Variants in SPAG16 observed in about 807,000 individuals in gnomAD.
SPAG16 encodes the protein sperm associated antigen 16, also known as sperm-associated antigen 16 protein.
SPAG16 carries 86 observed loss-of-function variants against 80.4 expected under a neutral mutation model. The observed-to-expected ratio is 1.07, with a 90% CI of 0.90 to 1.28. The LOEUF (loss-of-function observed/expected upper bound fraction) is 1.28, where lower values mean the gene tolerates loss of function less well. Ranked by LOEUF, SPAG16 falls within the 50% of genes most tolerant of loss-of-function variation. The probability of loss-of-function intolerance (pLI) is 0.00; values close to 1 mark genes in which losing one functional copy is unlikely to be tolerated. For missense variants in SPAG16, 870 were observed against 765.3 expected (o/e 1.14, Z -1.61); for synonymous variants, 294 against 265.9 (o/e 1.11, Z -1.03).
At chr2:214,164,288 T>A (rs990164103) in intron 15 of SPAG16, among the ~76,000 whole-genome samples, 3 of 152,112 alleles carry the variant, frequency 2.0e-5, no homozygotes, top group African/African-American at 7.2e-5. Flanking sequence ...ATAAGTCTTA[T>A]GAAAAATTAA....
chr2:213,772,989 C>CT (rs1036924821), intron 10 of SPAG16, among the ~76,000 whole-genome samples: 159 of 149,310 alleles, frequency 1.1e-3, no homozygotes, highest in African/African-American at 2.3e-3. Context: ...TTTACTTATT[C>CT]TTTTTTTTTC....
chr2:213,478,115 C>T (rs958404056), intron 9 of SPAG16, among the ~76,000 whole-genome samples: 1 of 152,166 alleles, frequency 6.6e-6, no homozygotes, highest in Non-Finnish European at 1.5e-5. Flanking sequence ...CCTTTTCTGT[C>T]TGCCATGATA....
chr2:213,372,327 C>A (rs116462958), intron 8 of SPAG16, among the ~76,000 whole-genome samples: 91 of 152,076 alleles, frequency 6.0e-4, no homozygotes, highest in African/African-American at 2.1e-3. Flanking sequence ...GGATGACCTT[C>A]TAGAAATTGT....
At chr2:213,864,206 T>C (rs923462331) in intron 11 of SPAG16, among the ~76,000 whole-genome samples, 9 of 152,016 alleles carry the variant, frequency 5.9e-5, no homozygotes, top group Non-Finnish European at 1.5e-5. Flanking sequence ...AAATAGCAAA[T>C]GAATATGAAA....
intron 9 of SPAG16, among the ~76,000 whole-genome samples, chr2:213,427,344 G>A (rs188903715): frequency 7.9e-5 from 12 of 152,230 alleles, no homozygotes; most frequent in African/African-American, 2.2e-4. Context: ...CTGGACAGAC[G>A]CACAGTGATA....
intron 1 of SPAG16, among the ~76,000 whole-genome samples, chr2:213,292,680 A>ACAC: frequency 7.6e-6 from 1 of 131,148 alleles, no homozygotes; most frequent in Non-Finnish European, 1.7e-5. Flanking sequence ...AAAAAACAAA[A>ACAC]AAAACAAAAA....
intron 9 of SPAG16, among the ~76,000 whole-genome samples, chr2:213,446,865 A>G (rs573843494): frequency 2.0e-5 from 3 of 152,322 alleles, no homozygotes; most frequent in East Asian, 3.9e-4. Flanking sequence ...GTATCCATCT[A>G]GAAACTCAAG....
At chr2:213,820,704 CAG>C (rs2072886719) in intron 10 of SPAG16, among the ~76,000 whole-genome samples, 1 of 151,944 alleles carries the variant, frequency 6.6e-6, no homozygotes, top group Admixed American at 6.6e-5. Context: ...TCTATCCCAT[CAG>C]AGATATATAG....
chr2:213,690,282 C>G (rs944049444), intron 10 of SPAG16, among the ~76,000 whole-genome samples: 2 of 152,188 alleles, frequency 1.3e-5, no homozygotes, highest in African/African-American at 4.8e-5. Flanking sequence ...ATATTTATTT[C>G]TAACAGTCTG....
chr2:214,376,947 C>T (rs558518108), intron 15 of SPAG16, among the ~76,000 whole-genome samples: 1 of 152,148 alleles, frequency 6.6e-6, no homozygotes, highest in Non-Finnish European at 1.5e-5. Context: ...GCAAAACATA[C>T]ACATGCAGGC....
At chr2:213,534,218 T>C (rs937951709) in intron 10 of SPAG16, among the ~76,000 whole-genome samples, 1 of 152,132 alleles carries the variant, frequency 6.6e-6, no homozygotes, top group African/African-American at 2.4e-5. Flanking sequence ...ATCTTATATG[T>C]TGCAAATGAT....
Position 213,874,609 on chromosome 2 carries a change from A to T in SPAG16, c.1214+11981A>T, listed in dbSNP as rs182207893. ...TTTACAATAACATCACCACAAACAC[A>T]TGAGTAATGTGTAGCCATATGGCAT... On this transcript the variant is annotated intron_variant, in intron 11 of 15. Transcript: ENST00000331683. Among the ~76,000 whole-genome samples, 380 of 152,254 alleles carry T rather than the reference A, an allele frequency of 2.5e-3. 4 individuals carry two copies. Among genetic ancestry groups the T allele is most frequent in the African/African-American group, 8.9e-3 (368 of 41,564 alleles).
chr2:214,044,949 A>G (rs1470706816), intron 13 of SPAG16, among the ~76,000 whole-genome samples: 1 of 152,164 alleles, frequency 6.6e-6, no homozygotes, highest in Non-Finnish European at 1.5e-5. Flanking sequence ...AATAAACTTG[A>G]AAGGTAGGCT....
chr2:214,079,933 G>A (rs1384771895), intron 13 of SPAG16, among the ~76,000 whole-genome samples: 1 of 152,140 alleles, frequency 6.6e-6, no homozygotes, highest in South Asian at 2.1e-4. Flanking sequence ...GTAGATGAAG[G>A]AATGTGGACT....
At chr2:214,054,309 C>T (rs1007543315) in intron 13 of SPAG16, among the ~76,000 whole-genome samples, 1 of 152,098 alleles carries the variant, frequency 6.6e-6, no homozygotes, top group Non-Finnish European at 1.5e-5. Context: ...TGTGCCCAGC[C>T]CTCACTTCCC....
chr2:213,677,698 A>G (rs1267629240), intron 10 of SPAG16, among the ~76,000 whole-genome samples: 1 of 152,210 alleles, frequency 6.6e-6, no homozygotes, highest in African/African-American at 2.4e-5. Flanking sequence ...TGTCAACGTT[A>G]GACAGATCAA....
chr2:214,023,434 GT>G (rs1210521611), intron 13 of SPAG16, among the ~76,000 whole-genome samples: 1 of 151,132 alleles, frequency 6.6e-6, no homozygotes, highest in African/African-American at 2.4e-5. Context: ...AATACTTTAT[GT>G]GTTTTCTAAA....
intron 9 of SPAG16, among the ~76,000 whole-genome samples, chr2:213,477,472 C>T (rs1467556066): frequency 6.6e-6 from 1 of 152,176 alleles, no homozygotes; most frequent in Non-Finnish European, 1.5e-5. Context: ...AATGGAGCTG[C>T]CCAAGGCCAT....
intron 15 of SPAG16, among the ~76,000 whole-genome samples, chr2:214,403,440 A>G (rs1701827377): frequency 2.6e-5 from 4 of 151,520 alleles, no homozygotes; most frequent in Admixed American, 2.6e-4. Context: ...TCATATCAAC[A>G]AGTAATCAAT....
Sources: gnomAD v4.1 joint callset for allele counts (sites outside exome capture counted in the v4.1 genomes callset) on GRCh38, gnomAD v4.1.1 for gene constraint, MANE v1.5 for transcripts, NCBI Gene and HGNC (gene_info 2026-07-23, HGNC 2026-07-21) for gene names.